ECHDC1: variants seen among roughly 807,000 people sequenced by gnomAD.
ECHDC1 encodes ethylmalonyl-CoA decarboxylase.
Under a neutral mutation model 29.7 loss-of-function variants are expected in ECHDC1, and 29 were observed. That is an observed-to-expected ratio of 0.98 (90% CI 0.73 to 1.33). The LOEUF (loss-of-function observed/expected upper bound fraction) is 1.33, where lower values mean the gene tolerates loss of function less well. ECHDC1 is among the 40% of genes most tolerant of loss of function. The pLI, the probability that ECHDC1 is intolerant of heterozygous loss-of-function variation, is 0.00. For synonymous variants in ECHDC1, 126 were observed against 123.1 expected (o/e 1.02, Z -0.15); for missense variants, 328 against 350.0 (o/e 0.94, Z 0.50).
At chr6:127,320,306 C>T (rs1237196875) in intron 3 of ECHDC1, among the ~76,000 whole-genome samples, 9 of 152,090 alleles carry the variant, frequency 5.9e-5, no homozygotes, top group African/African-American at 1.4e-4. Flanking sequence ...TGTGAGCTAC[C>T]GTGCTTGGCC....
chr6:127,306,268 G>T (rs560179858), intron 5 of ECHDC1, among the ~76,000 whole-genome samples: 2 of 152,122 alleles, frequency 1.3e-5, no homozygotes, highest in East Asian at 3.9e-4. Flanking sequence ...CAATTTTTAT[G>T]CCACCCATCA....
At chr6:127,327,754 T>C (rs1489039715) in intron 2 of ECHDC1, among the ~76,000 whole-genome samples, 1 of 152,198 alleles carries the variant, frequency 6.6e-6, no homozygotes, top group Non-Finnish European at 1.5e-5. Flanking sequence ...CTACCAACCA[T>C]TGATTCTATG....
chr6:127,308,463 A>G (rs1357312898), intron 5 of ECHDC1, among the ~76,000 whole-genome samples: 1 of 152,222 alleles, frequency 6.6e-6, no homozygotes, highest in Non-Finnish European at 1.5e-5. Context: ...CATGATAAAA[A>G]ACTACCAAGA....
intron 1 of ECHDC1, chr6:127,343,077 C>T (rs535029645): frequency 2.0e-5 from 3 of 152,188 alleles, no homozygotes; most frequent in Non-Finnish European, 4.4e-5. Flanking sequence ...CTGGGAAGAC[C>T]GATTCATCTC....
chr6:127,295,414 G>A (rs1413339846), intron 5 of ECHDC1, among the ~76,000 whole-genome samples: 1 of 152,106 alleles, frequency 6.6e-6, no homozygotes, highest in Admixed American at 6.5e-5. Context: ...TATTTCACTA[G>A]GGAGGAATAA....
intron 5 of ECHDC1, among the ~76,000 whole-genome samples, chr6:127,301,803 T>G (rs949481800): frequency 6.6e-6 from 1 of 152,236 alleles, no homozygotes. Context: ...AAAGAAACTT[T>G]CTAATCGATT....
chr6:127,293,639 G>C (rs1235116376), intron 5 of ECHDC1, among the ~76,000 whole-genome samples: 1 of 152,088 alleles, frequency 6.6e-6, no homozygotes, highest in Non-Finnish European at 1.5e-5. Flanking sequence ...TTAAAAAATT[G>C]TGTGAAATTG....
chr6:127,325,812 C>T (rs181458595), intron 3 of ECHDC1, among the ~76,000 whole-genome samples: 90 of 152,092 alleles, frequency 5.9e-4, no homozygotes, highest in Non-Finnish European at 6.3e-4. Context: ...GCAACCTTCC[C>T]GCCTCAGCCT....
chr6:127,322,986 C>T (rs1782966318), intron 3 of ECHDC1, among the ~76,000 whole-genome samples: 1 of 151,992 alleles, frequency 6.6e-6, no homozygotes, highest in Non-Finnish European at 1.5e-5. Flanking sequence ...AAATCTAAAA[C>T]TTTTTGAGTG....
rs188570846 is a variant in ECHDC1, at chr6:127,327,083, T to C, written c.282A>G (p.Lys94=). 12 of 1,614,010 alleles carry C rather than the reference T, an allele frequency of 7.4e-6. No individual in the cohort carries two copies. In the Admixed American group the frequency reaches 1.2e-4, roughly 16 times the overall value. The part of the protein sequence containing the change: ...VIELENWTEG[K]GLIVRGAKNT... The stretch of plus-strand genomic sequence containing the variant: ...TTTTTGCCCCACGGACAATGAGGCC[T>C]TTCCCCTCTGTCCAATTTTCCAATT... The change falls in exon 3 of 6, where the codon AAA becomes AAG. Residue 94 remains lysine, a synonymous_variant. Coordinates refer to ENST00000454859, the MANE Select transcript of ECHDC1 (RefSeq NM_001002030.2).
At chr6:127,325,504 G>C (rs11154397) in intron 3 of ECHDC1, among the ~76,000 whole-genome samples, 81,868 of 151,882 alleles carry the variant, frequency 0.54, 24,197 homozygotes, top group Non-Finnish European at 0.68. Context: ...TGAGTTTGTA[G>C]ATAAGTATAC....
chr6:127,320,079 G>A (rs1465732986), intron 3 of ECHDC1, among the ~76,000 whole-genome samples: 17 of 152,094 alleles, frequency 1.1e-4, no homozygotes, highest in South Asian at 4.1e-4. Flanking sequence ...GTGCAGTGGC[G>A]TGATCTTGGC....
At chr6:127,332,528 C>G (rs1784053245) in intron 1 of ECHDC1, among the ~76,000 whole-genome samples, 1 of 151,980 alleles carries the variant, frequency 6.6e-6, no homozygotes, top group Non-Finnish European at 1.5e-5. Context: ...GTTCACTGGT[C>G]TGACTGAGGT....
intron 5 of ECHDC1, among the ~76,000 whole-genome samples, chr6:127,298,947 C>CCA (rs1205375350): frequency 2.0e-5 from 3 of 151,594 alleles, no homozygotes; most frequent in African/African-American, 7.3e-5. Context: ...GCCATAATGG[C>CCA]TCAATGCAGC....
rs562279195 is a variant in ECHDC1 at position 127,313,630 on chromosome 6, A to G, written c.497+1186T>C. On this transcript the variant is annotated intron_variant, in intron 5 of 5. Transcript: ENST00000454859. ...TTTACTAGAAGTCTTCTCTTAATGT[A>G]TATCCAGTATTTTTCTTAGCTAGGG... 6.6e-6 allele frequency: 3 copies of G among 455,106 alleles called. No individual in the cohort carries two copies. The East Asian group carries it at 2.1e-4, about 32-fold the overall frequency. 28.2% of individuals were successfully genotyped at this position (455,106 alleles called of 1,614,324 possible).
At chr6:127,326,057 T>C (rs1783303335) in intron 3 of ECHDC1, among the ~76,000 whole-genome samples, 1 of 152,178 alleles carries the variant, frequency 6.6e-6, no homozygotes, top group South Asian at 2.1e-4. Context: ...TAGAGTTTCA[T>C]TAATAGTAAA....
chr6:127,303,083 A>G (rs180673942), intron 5 of ECHDC1, among the ~76,000 whole-genome samples: 1 of 152,278 alleles, frequency 6.6e-6, no homozygotes, highest in East Asian at 1.9e-4. Flanking sequence ...GTGAGCATGA[A>G]GTGACATATT....
intron 1 of ECHDC1, among the ~76,000 whole-genome samples, chr6:127,339,647 C>A (rs1215295808): frequency 2.6e-5 from 4 of 151,640 alleles, no homozygotes; most frequent in Admixed American, 6.6e-5. Flanking sequence ...GTGGCACACA[C>A]CTCTAATCCT....
At chr6:127,325,424 T>A (rs981039527) in intron 3 of ECHDC1, among the ~76,000 whole-genome samples, 13 of 152,270 alleles carry the variant, frequency 8.5e-5, no homozygotes, top group African/African-American at 3.1e-4. Context: ...GTTTCTTTTT[T>A]CTTTTTAACA....
Sources: gnomAD v4.1 joint callset for allele counts (sites outside exome capture counted in the v4.1 genomes callset) on GRCh38, gnomAD v4.1.1 for gene constraint, MANE v1.5 for transcripts, NCBI Gene and HGNC (gene_info 2026-07-23, HGNC 2026-07-21) for gene names.